Variants in DLG2 observed in about 807,000 individuals in gnomAD.
The protein encoded by DLG2 is disks large homolog 2.
In DLG2, 45 loss-of-function variants were observed where a neutral mutation model predicts 132.5. The observed-to-expected ratio is 0.34, with a 90% CI of 0.27 to 0.44. The LOEUF is 0.44. Ranked by LOEUF, DLG2 falls within the 20% of genes least tolerant of loss-of-function variation. DLG2 has a pLI of 1.00. For synonymous variants in DLG2, 424 were observed against 419.6 expected, an observed-to-expected ratio of 1.01 and a Z score of -0.13; for missense variants, 1,045 against 1,196.9, an observed-to-expected ratio of 0.87 and a Z score of 1.87.
intron 4 of DLG2, among the ~76,000 whole-genome samples, chr11:85,199,478 T>A (rs1189678646): frequency 6.6e-6 from 1 of 152,214 alleles, no homozygotes; most frequent in South Asian, 2.1e-4. Flanking sequence ...TATGCGAGAA[T>A]CAAAGTTCAT....
At chr11:84,691,798 A>T (rs548250077) in intron 6 of DLG2, among the ~76,000 whole-genome samples, 1 of 151,858 alleles carries the variant, frequency 6.6e-6, no homozygotes, top group South Asian at 2.1e-4. Context: ...ACTGATTGAA[A>T]TAGTTACCAT....
intron 6 of DLG2, among the ~76,000 whole-genome samples, chr11:84,830,369 C>CT (rs1566080085): frequency 1.2e-4 from 17 of 147,716 alleles, no homozygotes; most frequent in Non-Finnish European, 2.1e-4. Flanking sequence ...GCGTCATCTA[C>CT]GTTTTTTTTT....
intron 9 of DLG2, among the ~76,000 whole-genome samples, chr11:84,151,661 A>T (rs576391983): frequency 6.6e-6 from 1 of 152,242 alleles, no homozygotes; most frequent in Admixed American, 6.5e-5. Flanking sequence ...GATCTTTCTA[A>T]CTTCTTGATG....
chr11:84,826,606 C>T (rs182453387), intron 6 of DLG2, among the ~76,000 whole-genome samples: 71 of 151,962 alleles, frequency 4.7e-4, no homozygotes, highest in African/African-American at 1.6e-3. Context: ...AACATTTATG[C>T]CCAAGCTACT....
At chr11:83,966,128 T>G (rs951406519) in intron 12 of DLG2, among the ~76,000 whole-genome samples, 1 of 152,004 alleles carries the variant, frequency 6.6e-6, no homozygotes, top group African/African-American at 2.4e-5. Context: ...TGATACACAT[T>G]TACCCATACA....
chr11:84,316,982 C>T, intron 7 of DLG2: 2 of 1,612,760 alleles, frequency 1.2e-6, no homozygotes, highest in Middle Eastern at 1.7e-4. Flanking sequence ...GCCCCCTGGT[C>T]CTGAGGAGGG....
chr11:84,457,450 C>T (rs2099068387), intron 7 of DLG2, among the ~76,000 whole-genome samples: 1 of 150,970 alleles, frequency 6.6e-6, no homozygotes, highest in African/African-American at 2.4e-5. Flanking sequence ...GGAGAAATTA[C>T]AAAGACAGTA....
At chr11:84,348,113 T>A (rs1310050735) in intron 7 of DLG2, among the ~76,000 whole-genome samples, 1 of 152,182 alleles carries the variant, frequency 6.6e-6, no homozygotes, top group African/African-American at 2.4e-5. Context: ...TATCATATAG[T>A]GTCACTCTTA....
intron 3 of DLG2, among the ~76,000 whole-genome samples, chr11:85,596,652 G>A (rs2079792910): frequency 1.3e-5 from 2 of 152,128 alleles, no homozygotes; most frequent in East Asian, 3.8e-4. Flanking sequence ...GAAAAAAAAG[G>A]GTAGGATGGG....
chr11:84,271,247 T>C (rs1490983095), intron 7 of DLG2, among the ~76,000 whole-genome samples: 1 of 152,240 alleles, frequency 6.6e-6, no homozygotes, highest in Non-Finnish European at 1.5e-5. Context: ...ATTCCCAATA[T>C]GTTCTGAAAA....
intron 6 of DLG2, among the ~76,000 whole-genome samples, chr11:84,757,867 G>A (rs1189507299): frequency 6.6e-6 from 1 of 152,088 alleles, no homozygotes; most frequent in East Asian, 1.9e-4. Flanking sequence ...GGAATCACCT[G>A]GTAAAGTCGG....
intron 5 of DLG2, chr11:85,132,844 A>T (rs1482702175): frequency 3.7e-5 from 17 of 456,620 alleles, no homozygotes; most frequent in Admixed American, 1.6e-4. Context: ...ACACCAGCAA[A>T]TCAGCAAAGG....
At chr11:84,847,066 A>T (rs1290241539) in intron 6 of DLG2, among the ~76,000 whole-genome samples, 1 of 152,152 alleles carries the variant, frequency 6.6e-6, no homozygotes, top group Non-Finnish European at 1.5e-5. Context: ...ACTCACAGAA[A>T]CATGAGAGAG....
chr11:85,136,564 A>C lies in DLG2; in HGVS notation c.282+17992T>G, dbSNP rs149068935. 1.2e-3 allele frequency among the ~76,000 whole-genome samples: 187 copies of C among 152,312 alleles called. 2 individuals are homozygous for C. Among genetic ancestry groups the C allele is most frequent in the African/African-American group, 4.3e-3 (180 of 41,572 alleles). ...GGCAAGATAAAAAGCCTCAGCCTGC[A>C]AGCTGCTTTACTTGATATTCCTTGA... On this transcript the variant is annotated intron_variant, in intron 5 of 27. Coordinates refer to ENST00000376104, the MANE Select transcript of DLG2 (RefSeq NM_001142699.3).
intron 4 of DLG2, among the ~76,000 whole-genome samples, chr11:85,199,026 T>G (rs2081262017): frequency 1.3e-5 from 2 of 152,296 alleles, no homozygotes; most frequent in South Asian, 4.1e-4. Flanking sequence ...AAGTTAAATA[T>G]ATGCCTATTT....
chr11:84,613,507 G>T (rs1170556789), intron 6 of DLG2, among the ~76,000 whole-genome samples: 1 of 152,036 alleles, frequency 6.6e-6, no homozygotes, highest in African/African-American at 2.4e-5. Context: ...GAAGAAAATA[G>T]TATCTATTAA....
chr11:85,126,305 C>A (rs935544544), intron 5 of DLG2, among the ~76,000 whole-genome samples: 2 of 152,036 alleles, frequency 1.3e-5, no homozygotes, highest in Non-Finnish European at 2.9e-5. Context: ...AAAAGAGAAT[C>A]GTATACTTTG....
Position 84,714,553 on chromosome 11 carries a change from C to CTCTCTTTCTCTTTCTCTTTCTCTT in DLG2, c.358-179846_358-179823dup, listed in dbSNP as rs780891728. 2.5e-3 allele frequency among the ~76,000 whole-genome samples: 275 copies of CTCTCTTTCTCTTTCTCTTTCTCTT among 109,240 alleles called. 10 individuals carry two copies. The East Asian group carries it at 0.053, about 21-fold the overall frequency. 71.7% of individuals were successfully genotyped at this position (109,240 alleles called of 152,430 possible). ...TCTTTCTCTTTCTCTTTCTCTTTCT[C>CTCTCTTTCTCTTTCTCTTTCTCTT]TCTCTTTCTCTTTCTCTTTCTCTTT... is the stretch of plus-strand genomic sequence containing the variant. On this transcript the variant is annotated intron_variant, in intron 6 of 27. Coordinates refer to ENST00000376104, the MANE Select transcript of DLG2 (RefSeq NM_001142699.3).
At chr11:84,612,277 A>T (rs1565453836) in intron 6 of DLG2, among the ~76,000 whole-genome samples, 1 of 152,106 alleles carries the variant, frequency 6.6e-6, no homozygotes, top group African/African-American at 2.4e-5. Context: ...CTGTTGCTGA[A>T]TAGTATTTCA....
Sources: gnomAD v4.1 joint callset for allele counts (sites outside exome capture counted in the v4.1 genomes callset) on GRCh38, gnomAD v4.1.1 for gene constraint, MANE v1.5 for transcripts, NCBI Gene and HGNC (gene_info 2026-07-23, HGNC 2026-07-21) for gene names.